WDR75: variants seen among roughly 807,000 people sequenced by gnomAD.
The protein encoded by WDR75 is WD repeat-containing protein 75.
WDR75 carries 52 observed loss-of-function variants against 106.1 expected under a neutral mutation model. The ratio of observed to expected loss-of-function variants is 0.49; its 90% CI spans 0.39 to 0.62. WDR75 has a LOEUF of 0.62. WDR75 is among the 20% of genes least tolerant of loss of function. WDR75 has a pLI of 0.00. For synonymous variants in WDR75, 333 were observed against 335.5 expected (o/e 0.99, Z 0.08); for missense variants, 905 against 970.3 (o/e 0.93, Z 0.89).
Position 189,450,891 on chromosome 2 carries a change from T to G in WDR75, c.217-12T>G. The G allele has an allele frequency of 6.2e-7, 1 of 1,603,944 alleles. No individual in the cohort carries two copies. The highest frequency in any genetic ancestry group is 8.5e-7 in the Non-Finnish European group (1 of 1,177,858). On this transcript the variant is annotated splice_polypyrimidine_tract_variant and intron_variant, in intron 2 of 20. Transcript: ENST00000314761. Reference sequence around the variant, plus strand: ...TTTTTTAAATCAATTTTGTATTGTTTTACCCTTTTAGCTGTATTCTTGTTC... The same window carrying G: ...TTTTTTAAATCAATTTTGTATTGTTGTACCCTTTTAGCTGTATTCTTGTTC...
intron 4 of WDR75, 155 bp downstream of exon 4, chr2:189,452,050 G>C (rs13427051): frequency 0.043 from 25,187 of 582,940 alleles, 871 homozygotes; most frequent in African/African-American, 0.14. Context: ...TTTGGAGATG[G>C]TTTGTATGAA....
At chr2:189,464,212 A>G (rs1686956150) in intron 11 of WDR75, 4 of 468,264 alleles carry the variant, frequency 8.5e-6, no homozygotes, top group Non-Finnish European at 1.5e-5. Context: ...ATGCCCTCCT[A>G]TTAGCTATCC....
chr2:189,466,035 G>A (rs1520866), intron 12 of WDR75, among the ~76,000 whole-genome samples: 129,897 of 152,140 alleles, frequency 0.85, 56,602 homozygotes, highest in Non-Finnish European at 0.95. Flanking sequence ...CCTTGCCCCA[G>A]GTGGGGCGTT....
At chr2:189,459,543 T>C (rs1686816849) in intron 8 of WDR75, 119 bp downstream of exon 8, 1 of 945,114 alleles carries the variant, frequency 1.1e-6, no homozygotes, top group African/African-American at 1.7e-5. Context: ...TTCCAAACAC[T>C]TGTGTGTTAC....
chr2:189,451,711 A>G lies in WDR75; in HGVS notation c.283-94A>G, dbSNP rs879091792. On this transcript the variant is annotated intron_variant, in intron 3 of 20. Transcript: ENST00000314761. ...CTCTCCTTATGTTGGGAATACAGCA[A>G]TGAGCAAAATACATAAAAACCCCTG... is the stretch of plus-strand genomic sequence containing the variant. The G allele has an allele frequency of 2.5e-5, 27 of 1,063,112 alleles. No individual in the cohort carries two copies. The Middle Eastern group carries it at 6.1e-4, about 24-fold the overall frequency. The allele number at this position is 1,063,112 out of a possible 1,614,324, so 65.9% of individuals were successfully genotyped here.
chr2:189,443,157 G>T (rs1047846524), intron 1 of WDR75, among the ~76,000 whole-genome samples: 8 of 152,210 alleles, frequency 5.3e-5, no homozygotes, highest in African/African-American at 1.9e-4. Context: ...CTCAGTAACA[G>T]ATTTTTCTTA....
At chr2:189,466,884 GGA>G (rs1335804299) in intron 13 of WDR75, among the ~76,000 whole-genome samples, 1 of 152,132 alleles carries the variant, frequency 6.6e-6, no homozygotes, top group East Asian at 1.9e-4. Flanking sequence ...AAGGTCTCCA[GGA>G]GAGGGCATAA....
rs180899778 is a variant in WDR75 at position 189,450,356 on chromosome 2, T to G, written c.217-547T>G. The G allele has an allele frequency of 1.0e-2, 9,055 of 909,162 alleles. 58 individuals carry two copies. The highest frequency in any genetic ancestry group is 0.012 in the South Asian group (225 of 18,418). 56.3% of individuals were successfully genotyped at this position (909,162 alleles called of 1,614,324 possible). On this transcript the variant is annotated intron_variant, in intron 2 of 20. Coordinates refer to ENST00000314761, the MANE Select transcript of WDR75 (RefSeq NM_032168.3). ...TTGTGTGGGTGTTTTTGTTTTGTTT[T>G]GTTTGGTTTTGGTTTTTTTTTCTGG...
At chr2:189,472,766 A>G (rs1350997103) in intron 18 of WDR75, among the ~76,000 whole-genome samples, 1 of 152,208 alleles carries the variant, frequency 6.6e-6, no homozygotes, top group African/African-American at 2.4e-5. Flanking sequence ...TGTCATTACA[A>G]TTGACCCTTG....
intron 3 of WDR75, 80 bp from the exon 4 acceptor site, chr2:189,451,725 T>TA: frequency 1.5e-6 from 2 of 1,313,346 alleles, no homozygotes; most frequent in South Asian, 1.3e-5. Flanking sequence ...GCAAAATACA[T>TA]AAAAACCCCT....
intron 1 of WDR75, among the ~76,000 whole-genome samples, chr2:189,444,676 T>C (rs1468703782): frequency 6.6e-6 from 1 of 152,176 alleles, no homozygotes; most frequent in East Asian, 1.9e-4. Flanking sequence ...ACTCTAACTC[T>C]TATTTCTAGT....
intron 12 of WDR75, among the ~76,000 whole-genome samples, chr2:189,465,713 A>G (rs1280279642): frequency 1.3e-5 from 2 of 152,170 alleles, no homozygotes; most frequent in East Asian, 1.9e-4. Flanking sequence ...AACTTGGCTT[A>G]GAGCTTTGTA....
rs749068914 is a variant in WDR75, at chr2:189,463,964, A to C, written c.1113+3A>C. On this transcript the variant is annotated splice_donor_region_variant and intron_variant, in intron 11 of 20. Coordinates refer to ENST00000314761, the MANE Select transcript of WDR75 (RefSeq NM_032168.3). ...AGAGTGATAAACAGTTATACAATGT[A>C]AGATTTTGATCATTAGCCTTGAAAT... The C allele has an allele frequency of 3.7e-6, 6 of 1,609,978 alleles. No homozygotes were observed. Among genetic ancestry groups the C allele is most frequent in the Non-Finnish European group, 3.4e-6 (4 of 1,178,116 alleles).
At position 189,470,260 on chromosome 2, in the gene WDR75, CA is replaced by C; in HGVS notation, c.1989+21del. The C allele has an allele frequency of 1.2e-6, 2 of 1,604,282 alleles. No individual in the cohort carries two copies. The highest frequency in any genetic ancestry group is 1.7e-5 in the Admixed American group (1 of 58,388). On this transcript the variant is annotated intron_variant, in intron 17 of 20. Coordinates refer to ENST00000314761, the MANE Select transcript of WDR75 (RefSeq NM_032168.3). Reference sequence around the variant, plus strand: ...CAAAATCACAGGTAACTGCCTCCCTCAAAAAAGGCGATCACTTTGTACATGG... The same window carrying C: ...CAAAATCACAGGTAACTGCCTCCCTCAAAAAGGCGATCACTTTGTACATGG...
intron 9 of WDR75, 48 bp downstream of exon 9, chr2:189,462,690 T>C (rs776442006): frequency 6.4e-7 from 1 of 1,561,948 alleles, no homozygotes; most frequent in Non-Finnish European, 8.8e-7. Context: ...CACCATAAAT[T>C]AGCTAGCATC....
Position 189,474,186 on chromosome 2 carries a change from C to T in WDR75, c.2050C>T (p.Leu684=). ...TTCTCTTTGTCTTAAATCCTTAAAG[C>T]TGCTAGCAGAAGAAAGTCTTCCCAC... The part of the protein sequence containing the change: ...EEKLTPTSKQ[L]LAEESLPTTP... The change falls in exon 19 of 21, where the codon CTG becomes TTG. Residue 684 remains leucine, a splice_region_variant and synonymous_variant. Transcript: ENST00000314761. The T allele has an allele frequency of 6.2e-7, 1 of 1,608,128 alleles. No homozygotes were observed. Among genetic ancestry groups the T allele is most frequent in the South Asian group, 1.1e-5 (1 of 89,256 alleles).
rs201806333 is a variant in WDR75, at chr2:189,467,501, G to T, written c.1481G>T (p.Gly494Val). 3.5e-5 allele frequency: 56 copies of T among 1,603,772 alleles called. No individual in the cohort carries two copies. Among genetic ancestry groups the T allele is most frequent in the Non-Finnish European group, 4.6e-5 (54 of 1,175,598 alleles). Residue 494 changes from glycine to valine, a missense_variant, in exon 14 of 21, where the codon GGT becomes GTT. Transcript: ENST00000314761. ...KAVGWTCDFVGSYHKYQATNC... is the reference protein window; with the variant it reads ...KAVGWTCDFVVSYHKYQATNC... ...GTTGGCTGGACCTGTGACTTTGTTG[G>T]TAGTTATCACAAGTATCAAGCAACT...
chr2:189,452,570 A>AG (rs1348206486), intron 4 of WDR75, among the ~76,000 whole-genome samples: 2 of 151,832 alleles, frequency 1.3e-5, no homozygotes, highest in East Asian at 3.9e-4. Context: ...AAAAAAAAAA[A>AG]TTGGTTGATA....
Position 189,462,529 on chromosome 2 carries a change from G to A in WDR75, c.824G>A (p.Trp275Ter), listed in dbSNP as rs777266750. Residue 275 changes from tryptophan to a stop codon, truncating the protein, a stop_gained, in exon 9 of 21, where the codon TGG becomes TAG. Transcript: ENST00000314761. LOFTEE classifies it high-confidence loss of function. ...GGTCGTGAATCTGTACTTGTAGAGT[G>A]GCGCGATGCAACAGAGAAGAATAAG... is the stretch of plus-strand genomic sequence containing the variant. ...SGGRESVLVE[W>*]RDATEKNKEF... 1 of 1,614,066 alleles carries A rather than the reference G, an allele frequency of 6.2e-7. No homozygotes were observed. Among genetic ancestry groups the A allele is most frequent in the Non-Finnish European group, 8.5e-7 (1 of 1,179,982 alleles).
Sources: allele counts gnomAD v4.1 joint callset (sites outside exome capture counted in the v4.1 genomes callset), GRCh38; gene constraint gnomAD v4.1.1; transcripts MANE v1.5; gene names NCBI Gene and HGNC (gene_info 2026-07-23, HGNC 2026-07-21).